ADAM12: variants seen among roughly 807,000 people sequenced by gnomAD.
ADAM12 encodes ADAM metallopeptidase domain 12.
A neutral mutation model predicts 106.4 loss-of-function variants in ADAM12; 70 were observed. That is an observed-to-expected ratio of 0.66 (90% CI 0.54 to 0.80). The LOEUF is 0.80. Among genes scored for constraint, ADAM12 ranks in the 30% least tolerant of loss-of-function variants. ADAM12 has a pLI of 0.00. For synonymous variants in ADAM12, 420 were observed against 433.5 expected (o/e 0.97, Z 0.39); for missense variants, 1,010 against 1,171.9 (o/e 0.86, Z 2.02).
chr10:126,270,276 G>A (rs1160221603), intron 3 of ADAM12, among the ~76,000 whole-genome samples: 1 of 152,146 alleles, frequency 6.6e-6, no homozygotes, highest in Non-Finnish European at 1.5e-5. Context: ...TTACACTGCA[G>A]GCATTAGGCA....
At chr10:126,019,452 A>G (rs1204643508) in intron 22 of ADAM12, among the ~76,000 whole-genome samples, 1 of 152,064 alleles carries the variant, frequency 6.6e-6, no homozygotes, top group Non-Finnish European at 1.5e-5. Flanking sequence ...TGACATCTTG[A>G]TTTGCTCTCT....
chr10:126,265,233 AG>A (rs1959075207), intron 3 of ADAM12, among the ~76,000 whole-genome samples: 1 of 152,342 alleles, frequency 6.6e-6, no homozygotes, highest in Admixed American at 6.5e-5. Flanking sequence ...TGATAAGTAG[AG>A]GTGGTCTCTA....
intron 2 of ADAM12, among the ~76,000 whole-genome samples, chr10:126,321,234 T>C (rs972596185): frequency 2.6e-5 from 4 of 152,208 alleles, no homozygotes; most frequent in African/African-American, 9.6e-5. Context: ...TTACAATTTC[T>C]GTCTCAAGAA....
intron 2 of ADAM12, among the ~76,000 whole-genome samples, chr10:126,301,839 T>A (rs1218411446): frequency 6.6e-6 from 1 of 152,162 alleles, no homozygotes; most frequent in Admixed American, 6.5e-5. Flanking sequence ...TACTCTTACA[T>A]CCTCCCTAAC....
chr10:126,107,824 T>G (rs1955801859), intron 8 of ADAM12, among the ~76,000 whole-genome samples: 1 of 152,184 alleles, frequency 6.6e-6, no homozygotes, highest in South Asian at 2.1e-4. Flanking sequence ...AACTCCAATA[T>G]GCGGGGCTTG....
intron 3 of ADAM12, among the ~76,000 whole-genome samples, chr10:126,236,640 G>A (rs1958422321): frequency 6.6e-6 from 1 of 151,932 alleles, no homozygotes; most frequent in Admixed American, 6.5e-5. Flanking sequence ...GCACTCACAG[G>A]AAGGAACACC....
chr10:126,378,662 G>T (rs913980698), intron 1 of ADAM12, among the ~76,000 whole-genome samples: 2 of 152,056 alleles, frequency 1.3e-5, no homozygotes, highest in Non-Finnish European at 2.9e-5. Flanking sequence ...TGAATGGGTG[G>T]GGAGAAAAGG....
intron 16 of ADAM12, among the ~76,000 whole-genome samples, chr10:126,048,165 A>G (rs903325090): frequency 3.3e-5 from 5 of 152,176 alleles, no homozygotes; most frequent in South Asian, 2.1e-4. Flanking sequence ...AATGAGGGAG[A>G]GGATCAGGAA....
At chr10:126,300,732 A>G (rs943679916) in intron 2 of ADAM12, among the ~76,000 whole-genome samples, 2 of 152,150 alleles carry the variant, frequency 1.3e-5, no homozygotes, top group Non-Finnish European at 2.9e-5. Context: ...GGAGAATAAA[A>G]TCCTGCACAG....
intron 3 of ADAM12, among the ~76,000 whole-genome samples, chr10:126,219,287 A>G (rs557318393): frequency 6.6e-5 from 10 of 152,334 alleles, no homozygotes; most frequent in Admixed American, 5.9e-4. Context: ...TAGCGCCTCG[A>G]ACAGAGGTCC....
Position 126,289,496 on chromosome 10 carries a change from G to A in ADAM12, c.187-10508C>T, listed in dbSNP as rs1289859270. Reference sequence around the variant, plus strand: ...TCGATGCCAGCTGCACTGGAAAGCAGGGCTGATGAGGAGGTGTGCTCACCA... The same window carrying A: ...TCGATGCCAGCTGCACTGGAAAGCAAGGCTGATGAGGAGGTGTGCTCACCA... On this transcript the variant is annotated intron_variant, in intron 2 of 22. Transcript: ENST00000448723. Among the ~76,000 whole-genome samples, 7 of 152,188 alleles carry A rather than the reference G, an allele frequency of 4.6e-5. No individual in the cohort carries two copies. In the East Asian group the frequency reaches 1.3e-3, roughly 29 times the overall value.
chr10:126,145,313 C>G (rs1156559490), intron 4 of ADAM12, among the ~76,000 whole-genome samples: 1 of 152,154 alleles, frequency 6.6e-6, no homozygotes, highest in Non-Finnish European at 1.5e-5. Flanking sequence ...CTGCTCTCCC[C>G]CAAGAGCATT....
rs1442568666 is a variant in ADAM12, at chr10:126,251,704, ATAGGAT to A, written c.260+27205_260+27210del. 2.2e-5 allele frequency among the ~76,000 whole-genome samples: 3 copies of A among 135,322 alleles called. No homozygotes were observed. In the East Asian group the frequency reaches 7.0e-4, roughly 32 times the overall value. The allele number at this position is 135,322 out of a possible 152,430, so 88.8% of individuals were successfully genotyped here. On this transcript the variant is annotated intron_variant, in intron 3 of 22. Transcript: ENST00000448723. ...TGGAGAGGATGGATGGGATGGATGG[ATAGGAT>A]GGATGGATAGGATGGGATGGATGGA... is the stretch of plus-strand genomic sequence containing the variant.
intron 12 of ADAM12, among the ~76,000 whole-genome samples, chr10:126,069,152 G>T (rs1328877719): frequency 1.3e-5 from 2 of 152,148 alleles, no homozygotes; most frequent in Non-Finnish European, 2.9e-5. Flanking sequence ...AAGTCTTTTT[G>T]CCTAAAATTC....
In ADAM12 at chr10:126,099,456, C is replaced by T. The variant is rs192087451; in HGVS notation, c.912-956G>A. Among the ~76,000 whole-genome samples the T allele has an allele frequency of 2.2e-3, 330 of 151,840 alleles. 2 individuals carry two copies. The highest frequency in any genetic ancestry group is 7.7e-3 in the African/African-American group (320 of 41,378). On this transcript the variant is annotated intron_variant, in intron 9 of 22. Coordinates refer to ENST00000448723, the MANE Select transcript of ADAM12 (RefSeq NM_001288973.2). ...TATTTACAGTGGTAGAAATTTCGGC[C>T]TTTATTTACATCTATATAGACTATA...
At chr10:126,018,064 T>C (rs1953692923) in intron 22 of ADAM12, among the ~76,000 whole-genome samples, 1 of 152,250 alleles carries the variant, frequency 6.6e-6, no homozygotes, top group South Asian at 2.1e-4. Context: ...AATTAAACAA[T>C]TGTCCTGACC....
intron 3 of ADAM12, among the ~76,000 whole-genome samples, chr10:126,271,044 A>T (rs948564715): frequency 9.9e-5 from 15 of 152,054 alleles, no homozygotes; most frequent in Admixed American, 9.8e-4. Context: ...CCCCTTCAAA[A>T]ATGCCATGCC....
At chr10:126,185,714 T>C (rs1382992623) in intron 3 of ADAM12, among the ~76,000 whole-genome samples, 1 of 151,434 alleles carries the variant, frequency 6.6e-6, no homozygotes, top group Non-Finnish European at 1.5e-5. Context: ...ATGATTTGAG[T>C]GAGAAAGAGC....
intron 1 of ADAM12, among the ~76,000 whole-genome samples, chr10:126,338,893 A>T (rs1300567975): frequency 2.0e-5 from 3 of 152,198 alleles, no homozygotes; most frequent in Non-Finnish European, 4.4e-5. Context: ...AGTCCTGTAA[A>T]CTTATTAAAT....
Sources: gnomAD v4.1 joint callset for allele counts (sites outside exome capture counted in the v4.1 genomes callset) on GRCh38, gnomAD v4.1.1 for gene constraint, MANE v1.5 for transcripts, NCBI Gene and HGNC (gene_info 2026-07-23, HGNC 2026-07-21) for gene names.